Variants in NT5DC1 observed in about 807,000 individuals in gnomAD.
The protein encoded by NT5DC1 is 5'-nucleotidase domain containing 1.
A neutral mutation model predicts 59.4 loss-of-function variants in NT5DC1; 42 were observed. That is an observed-to-expected ratio of 0.71 (90% CI 0.55 to 0.92). The LOEUF is 0.92. Among genes scored for constraint, NT5DC1 ranks in the 40% least tolerant of loss-of-function variants. NT5DC1 has a pLI of 0.00. For synonymous variants in NT5DC1, 172 were observed against 188.1 expected, an observed-to-expected ratio of 0.91 and a Z score of 0.70; for missense variants, 501 against 537.1, an observed-to-expected ratio of 0.93 and a Z score of 0.66.
Position 116,106,263 on chromosome 6 carries a change from C to A in NT5DC1, c.113C>A (p.Ala38Asp). The A allele has an allele frequency of 6.4e-7, 1 of 1,566,700 alleles. No homozygotes were observed. The highest frequency in any genetic ancestry group is 8.8e-7 in the Non-Finnish European group (1 of 1,137,872). ...TTGCAGCTCATTTATAATAGCTTTG[C>A]CCAGTTCCTAGTTAAGGAGAAAGGG... ...ESAPLIYNSF[A>D]QFLVKEKGYD... is the part of the protein sequence containing the mutation. Residue 38 changes from alanine (A) to aspartate (D), a missense_variant, in exon 2 of 12, where the codon GCC becomes GAC. By Grantham distance (126) the Ala-to-Asp change is moderately radical. Coordinates refer to ENST00000319550, the MANE Select transcript of NT5DC1 (RefSeq NM_152729.3).
chr6:116,232,734 TC>T (rs1782041873), intron 8 of NT5DC1, among the ~76,000 whole-genome samples: 1 of 152,158 alleles, frequency 6.6e-6, no homozygotes, highest in African/African-American at 2.4e-5. Context: ...TTGTCCCATA[TC>T]TACTTTGTAA....
At chr6:116,214,140 G>A (rs1246641287) in intron 6 of NT5DC1, among the ~76,000 whole-genome samples, 1 of 151,870 alleles carries the variant, frequency 6.6e-6, no homozygotes, top group Non-Finnish European at 1.5e-5. Flanking sequence ...TACAAACTTA[G>A]GATTCAAACT....
intron 7 of NT5DC1, among the ~76,000 whole-genome samples, chr6:116,221,889 C>T (rs1331187610): frequency 1.3e-5 from 2 of 152,106 alleles, no homozygotes; most frequent in African/African-American, 4.8e-5. Context: ...AGTTGATAGA[C>T]TTCAGTGTGT....
At chr6:116,144,709 A>T (rs1779852429) in intron 6 of NT5DC1, among the ~76,000 whole-genome samples, 1 of 152,204 alleles carries the variant, frequency 6.6e-6, no homozygotes, top group Non-Finnish European at 1.5e-5. Flanking sequence ...GTTAGACTTC[A>T]CACCAGTAAC....
intron 4 of NT5DC1, among the ~76,000 whole-genome samples, chr6:116,111,902 A>G (rs1778884733): frequency 6.6e-6 from 1 of 152,194 alleles, no homozygotes; most frequent in African/African-American, 2.4e-5. Context: ...CTCTTACTCA[A>G]ATGATGGTCG....
chr6:116,152,283 C>T (rs1290460628), intron 6 of NT5DC1, among the ~76,000 whole-genome samples: 1 of 152,144 alleles, frequency 6.6e-6, no homozygotes, highest in Non-Finnish European at 1.5e-5. Flanking sequence ...AAGGTTTTAA[C>T]ACCTTAAAGG....
intron 10 of NT5DC1, among the ~76,000 whole-genome samples, 165 bp downstream of exon 10, chr6:116,238,513 A>C (rs892760498): frequency 6.6e-6 from 1 of 151,388 alleles, no homozygotes; most frequent in African/African-American, 2.4e-5. Flanking sequence ...CTTTGTATTA[A>C]TTTTATTGAC....
At chr6:116,164,682 T>TA (rs1255578973) in intron 6 of NT5DC1, among the ~76,000 whole-genome samples, 2 of 152,246 alleles carry the variant, frequency 1.3e-5, no homozygotes, top group African/African-American at 2.4e-5. Flanking sequence ...ACTTTGTACT[T>TA]ACGTGTGCTT....
At chr6:116,142,390 C>T (rs1389829843) in intron 6 of NT5DC1, among the ~76,000 whole-genome samples, 2 of 151,868 alleles carry the variant, frequency 1.3e-5, no homozygotes, top group Non-Finnish European at 2.9e-5. Context: ...GAAAGCACCT[C>T]TTTCAGGTTT....
intron 6 of NT5DC1, among the ~76,000 whole-genome samples, chr6:116,122,987 T>C (rs1373581350): frequency 6.6e-6 from 1 of 152,204 alleles, no homozygotes. Context: ...GTAGTGTACA[T>C]ACATGATTAT....
intron 10 of NT5DC1, 135 bp downstream of exon 10, chr6:116,238,483 A>AG: frequency 7.1e-6 from 3 of 423,452 alleles, no homozygotes; most frequent in Non-Finnish European, 1.2e-5. Context: ...AAAAAAAAAA[A>AG]AGAGACTAAT....
chr6:116,183,699 C>T (rs1379868157), intron 6 of NT5DC1, among the ~76,000 whole-genome samples: 1 of 151,590 alleles, frequency 6.6e-6, no homozygotes, highest in East Asian at 1.9e-4. Context: ...TTGTTCTCAG[C>T]TTGGTCACTG....
At chr6:116,118,499 A>G (rs1175136158) in intron 6 of NT5DC1, among the ~76,000 whole-genome samples, 2 of 152,180 alleles carry the variant, frequency 1.3e-5, no homozygotes, top group Non-Finnish European at 2.9e-5. Flanking sequence ...CTTGAGCCAC[A>G]TTGTCCTGAT....
chr6:116,127,022 AGGTG>A (rs1204901637), intron 6 of NT5DC1, among the ~76,000 whole-genome samples: 1 of 152,148 alleles, frequency 6.6e-6, no homozygotes, highest in Non-Finnish European at 1.5e-5. Flanking sequence ...AATCTAATAA[AGGTG>A]GGAAGTTGAG....
intron 6 of NT5DC1, among the ~76,000 whole-genome samples, chr6:116,129,927 C>T (rs1779420502): frequency 1.3e-5 from 2 of 152,164 alleles, no homozygotes; most frequent in Admixed American, 1.3e-4. Flanking sequence ...CATTCACTCA[C>T]ACACAGATAC....
At chr6:116,120,674 G>C (rs765594783) in intron 6 of NT5DC1, 3 of 1,545,728 alleles carry the variant, frequency 1.9e-6, no homozygotes, top group Non-Finnish European at 2.6e-6. Flanking sequence ...GCCCTTAGTT[G>C]CTATGCCAGC....
intron 8 of NT5DC1, among the ~76,000 whole-genome samples, chr6:116,235,841 GCCTC>G (rs1782104304): frequency 6.6e-6 from 1 of 152,130 alleles, no homozygotes; most frequent in Non-Finnish European, 1.5e-5. Context: ...AACCATCTTT[GCCTC>G]CTTTCTAAAC....
intron 6 of NT5DC1, chr6:116,121,606 C>T (rs1221370681): frequency 6.2e-7 from 1 of 1,613,816 alleles, no homozygotes; most frequent in Non-Finnish European, 8.5e-7. Flanking sequence ...CAGGAAAGCC[C>T]CTGGGTCCTG....
intron 7 of NT5DC1, among the ~76,000 whole-genome samples, 200 bp downstream of exon 7, chr6:116,221,428 A>T (rs534736959): frequency 6.6e-6 from 1 of 152,280 alleles, no homozygotes; most frequent in South Asian, 2.1e-4. Flanking sequence ...AAGCAGTGTT[A>T]TTGGGGACCA....
Sources: gnomAD v4.1 joint callset for allele counts (sites outside exome capture counted in the v4.1 genomes callset) on GRCh38, gnomAD v4.1.1 for gene constraint, MANE v1.5 for transcripts, NCBI Gene and HGNC (gene_info 2026-07-23, HGNC 2026-07-21) for gene names.